The following TJP3 variants were observed in gnomAD, a reference collection of about 807,000 sequenced individuals.
TJP3 encodes tight junction protein 3.
In TJP3, 85 loss-of-function variants were observed where a neutral mutation model predicts 104.2. The observed-to-expected ratio is 0.82, with a 90% confidence interval of 0.68 to 0.98. The LOEUF (loss-of-function observed/expected upper bound fraction) is 0.98, where lower values mean the gene tolerates loss of function less well. Ranked by LOEUF, TJP3 falls within the 50% of genes least tolerant of loss-of-function variation. The probability of loss-of-function intolerance (pLI) is 0.00; values close to 1 mark genes in which losing one functional copy is unlikely to be tolerated. For missense variants in TJP3, 1,367 were observed against 1,322.8 expected (o/e 1.03, Z -0.52); for synonymous variants, 550 against 550.6 (o/e 1.00, Z 0.02).
intron 14 of TJP3, among the ~76,000 whole-genome samples, chr19:3,741,678 T>C (rs1272610297): frequency 1.4e-5 from 2 of 147,376 alleles, no homozygotes; most frequent in Middle Eastern, 3.7e-3. Flanking sequence ...CTATCAAAAA[T>C]ACTTTTGGGC....
In TJP3 at chr19:3,738,581, G is replaced by C; in HGVS notation, c.1311G>C (p.Leu437=). ...LQVNDVPFQN[L]TREEAVQFLL... ...TGAATGACGTGCCATTCCAGAACCT[G>C]ACACGGGAGGAGGCAGTGCAGTTCC... is the stretch of plus-strand genomic sequence containing the variant. The change falls in exon 12 of 21, where the codon CTG becomes CTC. Residue 437 remains leucine, a synonymous_variant. Coordinates refer to ENST00000541714, the MANE Select transcript of TJP3 (RefSeq NM_001267560.2). 7 of 1,613,810 alleles carry C rather than the reference G, an allele frequency of 4.3e-6. No individual in the cohort carries two copies. Among genetic ancestry groups the C allele is most frequent in the Non-Finnish European group, 5.9e-6 (7 of 1,179,912 alleles).
chr19:3,721,816 C>A (rs115245324), intron 1 of TJP3: 1 of 884,212 alleles, frequency 1.1e-6, no homozygotes, highest in Non-Finnish European at 1.5e-6. Context: ...GCCCCCTCCC[C>A]CAGCCCGGGG....
rs1338888514 is a variant in TJP3, at chr19:3,750,705, G to A, written c.*21G>A. On this transcript the variant is annotated 3_prime_UTR_variant, in exon 21 of 21. Transcript: ENST00000541714. ...TGTGACCTCTCGAAGGCTGCCAGCT[G>A]GTCCGTCCTCCTTCTCCCTCCCTGG... 1.0e-5 allele frequency: 16 copies of A among 1,568,408 alleles called. 1 individual carries two copies. In the Admixed American group the frequency reaches 2.6e-4, roughly 26 times the overall value.
At chr19:3,713,180 G>A (rs1272649195) in intron 1 of TJP3, among the ~76,000 whole-genome samples, 1 of 152,058 alleles carries the variant, frequency 6.6e-6, no homozygotes, top group Non-Finnish European at 1.5e-5. Context: ...CCTAGAATCT[G>A]CCCTTCCTCA....
intron 14 of TJP3, chr19:3,743,708 G>A (rs956942008): frequency 2.0e-5 from 9 of 460,736 alleles, no homozygotes; most frequent in Non-Finnish European, 2.7e-5. Flanking sequence ...CCTTGAAGGC[G>A]GAACCCAGAA....
intron 1 of TJP3, among the ~76,000 whole-genome samples, chr19:3,722,603 C>T (rs1036784104): frequency 2.0e-5 from 3 of 150,604 alleles, no homozygotes; most frequent in South Asian, 4.2e-4. Flanking sequence ...CGATCCTTGT[C>T]TCCGGAGGGA....
chr19:3,740,044 C>T lies in TJP3; in HGVS notation c.1632-508C>T, dbSNP rs895528805. On this transcript the variant is annotated intron_variant, in intron 13 of 20. Transcript: ENST00000541714. ...GTCAAGAGATTGAGACTATCCTGGC[C>T]AACATGGTGAAACCCCATCCCTACT... Among the ~76,000 whole-genome samples, 6 of 151,996 alleles carry T rather than the reference C, an allele frequency of 3.9e-5. No homozygotes were observed. In the East Asian group the frequency reaches 5.8e-4, roughly 15 times the overall value.
In TJP3 at chr19:3,739,063, C is replaced by T; in HGVS notation, c.1560C>T (p.Gly520=). The part of the protein sequence containing the change: ...PGPGQSHARG[G]HWLAVRMGRD... ...CCGGGCAGAGCCACGCACGAGGAGG[C>T]CACTGGCTGGCGGTGCGCATGGGTC... The change falls in exon 13 of 21, where the codon GGC becomes GGT. Residue 520 remains glycine, a synonymous_variant. Transcript: ENST00000541714. 1 of 1,608,198 alleles carries T rather than the reference C, an allele frequency of 6.2e-7. No homozygotes were observed. The highest frequency in any genetic ancestry group is 8.5e-7 in the Non-Finnish European group (1 of 1,176,966).
intron 1 of TJP3, among the ~76,000 whole-genome samples, chr19:3,710,162 A>G (rs1376213242): frequency 6.6e-6 from 1 of 151,488 alleles, no homozygotes; most frequent in Non-Finnish European, 1.5e-5. Flanking sequence ...AAAAAAAAAA[A>G]AAAAAGGGGT....
At position 3,745,214 on chromosome 19, in the gene TJP3, C is replaced by T. The variant is rs557701322; in HGVS notation, c.1940-797C>T. The stretch of plus-strand genomic sequence containing the variant: ...AGGCTGGAGTACAGTGGCAGGATCT[C>T]GACTCACCGCAACCTCTGCCTCCCA... On this transcript the variant is annotated intron_variant, in intron 15 of 20. Coordinates refer to ENST00000541714, the MANE Select transcript of TJP3 (RefSeq NM_001267560.2). Among the ~76,000 whole-genome samples, 14 of 132,234 alleles carry T rather than the reference C, an allele frequency of 1.1e-4. No homozygotes were observed. In the South Asian group the frequency reaches 3.2e-3, roughly 30 times the overall value. The allele number at this position is 132,234 out of a possible 152,430, so 86.8% of individuals were successfully genotyped here.
intron 1 of TJP3, among the ~76,000 whole-genome samples, chr19:3,718,271 A>G (rs923847437): frequency 5.9e-5 from 8 of 134,914 alleles, no homozygotes; most frequent in Admixed American, 3.2e-4. Context: ...GTGTGTGTAG[A>G]GATGGAAGTC....
chr19:3,750,539 A>AC, intron 20 of TJP3, 43 bp from the exon 21 acceptor site: 1 of 1,511,762 alleles, frequency 6.6e-7, no homozygotes, highest in Non-Finnish European at 9.0e-7. Flanking sequence ...GAAAGCTCAC[A>AC]CCCTTCCCAC....
intron 14 of TJP3, among the ~76,000 whole-genome samples, chr19:3,742,363 G>A (rs1369078881): frequency 6.6e-6 from 1 of 151,886 alleles, no homozygotes; most frequent in Non-Finnish European, 1.5e-5. Context: ...AGCCCAGGAG[G>A]TCGAGGCTGC....
intron 1 of TJP3, among the ~76,000 whole-genome samples, chr19:3,716,838 C>T (rs1375826113): frequency 3.1e-5 from 4 of 127,440 alleles, no homozygotes; most frequent in Non-Finnish European, 6.6e-5. Flanking sequence ...CTCAGTCTGT[C>T]GCCCAGGTTG....
At chr19:3,718,210 AAAGTGT>A (rs2036503860) in intron 1 of TJP3, among the ~76,000 whole-genome samples, 4 of 89,818 alleles carry the variant, frequency 4.5e-5, no homozygotes, top group South Asian at 7.0e-4. Flanking sequence ...AAAAAAAAAA[AAAGTGT>A]GTGTGTGTGT....
chr19:3,728,510 C>A, intron 2 of TJP3, 30 bp downstream of exon 2: 1 of 1,605,120 alleles, frequency 6.2e-7, no homozygotes, highest in Non-Finnish European at 8.5e-7. Flanking sequence ...GTCTGGGTGC[C>A]AGAGAGTATG....
chr19:3,730,522 C>A lies in TJP3; in HGVS notation c.429C>A (p.Asp143Glu), dbSNP rs368877947. The A allele has an allele frequency of 3.1e-6, 5 of 1,592,566 alleles. No homozygotes were observed. In the South Asian group the frequency reaches 5.6e-5, roughly 18 times the overall value. ...CCAGTGGCTCCGGCCGCTCCTGGGA[C>A]GAGCGCTCCCGCCGGCCGAGGCCTG... ...DSSSGSGRSW[D>E]ERSRRPRPGR... Residue 143 changes from aspartate (D) to glutamate (E), a missense_variant, in exon 5 of 21, where the codon GAC (aspartate) becomes GAA (glutamate). By Grantham distance (45) the Asp-to-Glu change is conservative (BLOSUM62 2). Transcript: ENST00000541714. The surrounding 1 kb of genome is among the most constrained non-coding windows in gnomAD (Gnocchi z 7.3).
rs2036905058 is a variant in TJP3 at position 3,746,967 on chromosome 19, G to A, written c.2322+91G>A. On this transcript the variant is annotated intron_variant, in intron 18 of 20. Transcript: ENST00000541714. The surrounding 1 kb of genome is among the most constrained non-coding windows in gnomAD (Gnocchi z 4.1). The stretch of plus-strand genomic sequence containing the variant: ...GTTTGGGGCCTCTGTCGGGAGTTAG[G>A]GCTTGGTCAGGGATCAGGACTGTGG... 7.9e-7 allele frequency: 1 copy of A among 1,260,656 alleles called. No individual in the cohort carries two copies. Among genetic ancestry groups the A allele is most frequent in the Non-Finnish European group, 1.1e-6 (1 of 893,262 alleles). The allele number at this position is 1,260,656 out of a possible 1,614,324, so 78.1% of individuals were successfully genotyped here.
At position 3,723,074 on chromosome 19, in the gene TJP3, CCA is replaced by C. The variant is rs1170711346; in HGVS notation, c.-9-5347_-9-5346del. On this transcript the variant is annotated intron_variant, in intron 1 of 20. Transcript: ENST00000541714. ...CAGGACACACCTGTTGAGCACCTGGCCACAGTGTGTTTTACTCAACCATTCAC... is the reference window on the plus strand; with the variant it reads ...CAGGACACACCTGTTGAGCACCTGGCCAGTGTGTTTTACTCAACCATTCAC... 3.3e-5 allele frequency among the ~76,000 whole-genome samples: 5 copies of C among 152,312 alleles called. No individual in the cohort carries two copies. In the East Asian group the frequency reaches 9.6e-4, roughly 29 times the overall value.
Sources: gnomAD v4.1 joint callset for allele counts (sites outside exome capture counted in the v4.1 genomes callset) on GRCh38, gnomAD v4.1.1 for gene constraint, Gnocchi (gnomAD v3.1) non-coding constraint, MANE v1.5 for transcripts, NCBI Gene and HGNC (gene_info 2026-07-23, HGNC 2026-07-21) for gene names.